The following DROSHA variants were observed in gnomAD, a reference collection of about 807,000 sequenced individuals.
DROSHA encodes drosha ribonuclease III.
In DROSHA, 56 loss-of-function variants were observed where a neutral mutation model predicts 181.9. That is an observed-to-expected ratio of 0.31 (90% CI 0.25 to 0.38). The LOEUF is 0.38. Ranked by LOEUF, DROSHA falls within the 10% of genes least tolerant of loss-of-function variation. DROSHA has a pLI of 1.00. For synonymous variants in DROSHA, 524 were observed against 591.2 expected, an observed-to-expected ratio of 0.89 and a Z score of 1.65; for missense variants, 1,218 against 1,743.5, an observed-to-expected ratio of 0.70 and a Z score of 5.37.
Position 31,411,020 on chromosome 5 carries a change from A to G in DROSHA, c.3526-133T>C. On this transcript the variant is annotated intron_variant, in intron 30 of 35. Transcript: ENST00000344624. The surrounding 1 kb of genome is among the most constrained non-coding windows in gnomAD (Gnocchi z 4.2). ...AAAATAAGTGAGGTCTATGGCCTCA[A>G]CCATCACCCAGATGACAGTGATATG... is the stretch of plus-strand genomic sequence containing the variant. 1.6e-6 allele frequency: 2 copies of G among 1,238,018 alleles called. No homozygotes were observed. The highest frequency in any genetic ancestry group is 2.2e-6 in the Non-Finnish European group (2 of 889,672). The allele number at this position is 1,238,018 out of a possible 1,614,324, so 76.7% of individuals were successfully genotyped here. A position where few individuals can be genotyped will look rare whatever the true frequency, so the allele number is the denominator to read the frequency against.
intron 27 of DROSHA, among the ~76,000 whole-genome samples, 183 bp from the exon 28 acceptor site, chr5:31,424,654 T>C (rs17485323): frequency 0.15 from 22,973 of 152,158 alleles, 2,169 homozygotes; most frequent in Non-Finnish European, 0.21. Context: ...AAACCGCCTG[T>C]AGTGACTCTA....
intron 18 of DROSHA, among the ~76,000 whole-genome samples, chr5:31,466,915 T>C (rs1488451765): frequency 6.6e-6 from 1 of 152,192 alleles, no homozygotes; most frequent in Non-Finnish European, 1.5e-5. Context: ...CAAAGCGTCC[T>C]GGAAATGAAG....
At chr5:31,464,473 T>C (rs538387391) in intron 19 of DROSHA, 130 bp from the exon 20 acceptor site, 3 of 776,672 alleles carry the variant, frequency 3.9e-6, no homozygotes, top group South Asian at 3.7e-5. Flanking sequence ...AACCTCTTCA[T>C]ACAAAATTAC....
Position 31,420,653 on chromosome 5 carries a change from T to C in DROSHA, c.3525+619A>G, listed in dbSNP as rs370749306. ...TTTTTTATGCCATGCCTTTTCGTTCTGCAGTCCCAGTGTGTGTACTGCCCT... is the reference window on the plus strand; with the variant it reads ...TTTTTTATGCCATGCCTTTTCGTTCCGCAGTCCCAGTGTGTGTACTGCCCT... On this transcript the variant is annotated intron_variant, in intron 30 of 35. Transcript: ENST00000344624. Among the ~76,000 whole-genome samples the C allele has an allele frequency of 3.9e-5, 6 of 152,196 alleles. No homozygotes were observed. The East Asian group carries it at 1.2e-3, about 29-fold the overall frequency.
chr5:31,451,698 T>A, intron 20 of DROSHA, 58 bp from the exon 21 acceptor site: 2 of 1,373,584 alleles, frequency 1.5e-6, no homozygotes, highest in Non-Finnish European at 2.0e-6. Flanking sequence ...AGTCACTTCA[T>A]TTATTTTACA....
intron 9 of DROSHA, among the ~76,000 whole-genome samples, chr5:31,509,067 C>T (rs1400669072): frequency 2.0e-5 from 3 of 152,078 alleles, no homozygotes; most frequent in Admixed American, 6.6e-5. Context: ...AGGTGAAACA[C>T]CCGTCTCGGC....
intron 16 of DROSHA, among the ~76,000 whole-genome samples, chr5:31,477,911 C>T (rs1750598080): frequency 6.6e-6 from 1 of 152,174 alleles, no homozygotes; most frequent in South Asian, 2.1e-4. Context: ...AACTGGTCAA[C>T]ATTGAATAAT....
chr5:31,431,773 G>A, intron 25 of DROSHA, 95 bp from the exon 26 acceptor site: 5 of 1,081,344 alleles, frequency 4.6e-6, no homozygotes, highest in African/African-American at 1.6e-5. Flanking sequence ...GTGCGGAGAC[G>A]AGATGGGGGC....
intron 16 of DROSHA, among the ~76,000 whole-genome samples, chr5:31,478,759 T>C (rs1483233658): frequency 1.3e-5 from 2 of 152,088 alleles, no homozygotes; most frequent in African/African-American, 4.8e-5. Context: ...TAACATCCAG[T>C]ATTGGCAGGT....
chr5:31,510,099 A>C (rs904671895), intron 9 of DROSHA, among the ~76,000 whole-genome samples: 6 of 151,228 alleles, frequency 4.0e-5, no homozygotes, highest in African/African-American at 1.5e-4. Context: ...CTACATAGTG[A>C]GATTCCATCT....
chr5:31,407,301 T>C lies in DROSHA; in HGVS notation c.3855-356A>G, dbSNP rs1198998873. On this transcript the variant is annotated intron_variant, in intron 33 of 35. Coordinates refer to ENST00000344624, the MANE Select transcript of DROSHA (RefSeq NM_001382508.1). The stretch of plus-strand genomic sequence containing the variant: ...ATGAAAAGTTAAGAGCTCCTGTCTA[T>C]TGGTTTTCAGTGCTAATCACAGCCT... Among the ~76,000 whole-genome samples the C allele has an allele frequency of 2.0e-5, 3 of 152,236 alleles. No individual in the cohort carries two copies. The East Asian group carries it at 5.8e-4, about 29-fold the overall frequency.
At chr5:31,462,584 G>A (rs1461152770) in intron 20 of DROSHA, among the ~76,000 whole-genome samples, 1 of 145,288 alleles carries the variant, frequency 6.9e-6, no homozygotes, top group African/African-American at 2.6e-5. Context: ...TGATATAGCT[G>A]AAGAATACAA....
intron 13 of DROSHA, among the ~76,000 whole-genome samples, chr5:31,491,420 T>C (rs992346957): frequency 1.3e-5 from 2 of 152,316 alleles, no homozygotes; most frequent in Non-Finnish European, 1.5e-5. Context: ...CACAGAGCTA[T>C]CACTAATTTT....
intron 25 of DROSHA, among the ~76,000 whole-genome samples, chr5:31,432,656 G>A (rs1429705284): frequency 6.6e-6 from 1 of 152,146 alleles, no homozygotes; most frequent in Admixed American, 6.5e-5. Context: ...CATTTGTAGT[G>A]AATTGTGTTT....
Position 31,521,187 on chromosome 5 carries a change from G to C in DROSHA, c.883C>G (p.Arg295Gly), listed in dbSNP as rs751444046. 2 of 1,613,562 alleles carry C rather than the reference G, an allele frequency of 1.2e-6. No individual in the cohort carries two copies. The highest frequency in any genetic ancestry group is 1.7e-6 in the Non-Finnish European group (2 of 1,179,660). Reference sequence around the variant, plus strand: ...AGAGATGGTGATCTTCGGTTGTCTCGATGCCTGTGTCTCTCCCGTTCTCGC... The same window carrying C: ...AGAGATGGTGATCTTCGGTTGTCTCCATGCCTGTGTCTCTCCCGTTCTCGC... Reference protein sequence around the residue: ...RERERERHRHRDNRRSPSLER... With the variant: ...RERERERHRHGDNRRSPSLER... Residue 295 changes from arginine to glycine, a missense_variant, in exon 6 of 36, where the codon CGA becomes GGA. Coordinates refer to ENST00000344624, the MANE Select transcript of DROSHA (RefSeq NM_001382508.1).
chr5:31,526,541 G>A lies in DROSHA; in HGVS notation c.392C>T (p.Pro131Leu). The A allele has an allele frequency of 1.3e-6, 2 of 1,555,082 alleles. No individual in the cohort carries two copies. Among genetic ancestry groups the A allele is most frequent in the Middle Eastern group, 1.7e-4 (1 of 5,734 alleles). Residue 131 changes from proline (P) to leucine (L), a missense_variant, in exon 5 of 36, where the codon CCA (proline) becomes CTA (leucine). Around this residue, in one of 8 missense-constraint regions of DROSHA, gnomAD observed 536 missense variants for 535.4 expected, o/e 1.00. Coordinates refer to ENST00000344624, the MANE Select transcript of DROSHA (RefSeq NM_001382508.1). ...TTGTCCAGGAGGTGCCCCAGGGACT[G>A]GGGGGTTATTAGGACAAGGCATTGG... Reference protein sequence around the residue: ...PPPMPCPNNPPVPGAPPGQGT... With the variant: ...PPPMPCPNNPLVPGAPPGQGT...
intron 30 of DROSHA, among the ~76,000 whole-genome samples, chr5:31,417,432 T>C (rs1475506225): frequency 6.6e-6 from 1 of 152,170 alleles, no homozygotes; most frequent in Non-Finnish European, 1.5e-5. Flanking sequence ...TCTTTAAAAA[T>C]GATCCCTCTA....
intron 13 of DROSHA, among the ~76,000 whole-genome samples, chr5:31,491,698 G>GGA (rs1554040610): frequency 2.0e-5 from 3 of 146,474 alleles, no homozygotes; most frequent in East Asian, 2.0e-4. Context: ...TGTGACACTT[G>GGA]AAAAAAAAAA....
chr5:31,442,397 G>A (rs1745701974), intron 23 of DROSHA, among the ~76,000 whole-genome samples: 1 of 152,040 alleles, frequency 6.6e-6, no homozygotes, highest in African/African-American at 2.4e-5. Context: ...CAAATCTTTT[G>A]TTCCTTCTTT....
Sources: allele counts gnomAD v4.1 joint callset (sites outside exome capture counted in the v4.1 genomes callset), GRCh38; gene constraint gnomAD v4.1.1; regional missense constraint gnomAD v4.1.1; non-coding constraint Gnocchi (gnomAD v3.1); transcripts MANE v1.5; gene names NCBI Gene and HGNC (gene_info 2026-07-23, HGNC 2026-07-21).